KDM5B: variants seen among roughly 807,000 people sequenced by gnomAD.
The protein encoded by KDM5B is lysine demethylase 5B.
In KDM5B, 144 loss-of-function variants were observed where a neutral mutation model predicts 193.4. That is an observed-to-expected ratio of 0.74 (90% CI 0.65 to 0.86). The LOEUF (loss-of-function observed/expected upper bound fraction) is 0.86, where lower values mean the gene tolerates loss of function less well. KDM5B is among the 40% of genes least tolerant of loss of function. The pLI is 0.00. For missense variants in KDM5B, 1,833 were observed against 1,886.9 expected, an observed-to-expected ratio of 0.97 and a Z score of 0.53; for synonymous variants, 668 against 682.6, an observed-to-expected ratio of 0.98 and a Z score of 0.33.
intron 1 of KDM5B, among the ~76,000 whole-genome samples, chr1:202,807,856 G>A (rs1464042965): frequency 6.6e-6 from 1 of 151,842 alleles, no homozygotes; most frequent in African/African-American, 2.4e-5. Context: ...CGAGCCCCGC[G>A]GCGACCCGGC....
chr1:202,738,126 T>C (rs1655165400), intron 20 of KDM5B, among the ~76,000 whole-genome samples: 1 of 152,138 alleles, frequency 6.6e-6, no homozygotes, highest in South Asian at 2.1e-4. Context: ...AGTCCTTAAA[T>C]ATATGATGCA....
In KDM5B at chr1:202,729,707, C is replaced by T; in HGVS notation, c.4497G>A (p.Glu1499=). Residue 1499 remains glutamate (E), a splice_region_variant and synonymous_variant, in exon 26 of 27, where the codon GAG becomes GAA. Transcript: ENST00000367265. The stretch of plus-strand genomic sequence containing the variant: ...CCTCTATGGCCCAAACCTCACTGAC[C>T]TCATCTCCTTCTGGCTGCAGGCAGC... ...AVSCLQPEGD[E]VDWVQCDGSC... 2.5e-6 allele frequency: 4 copies of T among 1,612,084 alleles called. No homozygotes were observed. The highest frequency in any genetic ancestry group is 3.4e-6 in the Non-Finnish European group (4 of 1,178,828).
chr1:202,750,186 C>G (rs1655733712), intron 13 of KDM5B, among the ~76,000 whole-genome samples: 1 of 152,244 alleles, frequency 6.6e-6, no homozygotes, highest in South Asian at 2.1e-4. Flanking sequence ...TTGATTTACA[C>G]TGTGGTACAA....
chr1:202,737,558 T>C (rs1655141046), intron 20 of KDM5B, among the ~76,000 whole-genome samples: 1 of 152,236 alleles, frequency 6.6e-6, no homozygotes, highest in South Asian at 2.1e-4. Flanking sequence ...CCTGTTGTGA[T>C]GCAATATAGA....
chr1:202,735,354 T>C (rs972467034), intron 22 of KDM5B, 75 bp downstream of exon 22: 1 of 1,479,988 alleles, frequency 6.8e-7, no homozygotes. Context: ...CTTCTCCAAA[T>C]TCCTATAAAA....
intron 4 of KDM5B, among the ~76,000 whole-genome samples, chr1:202,772,853 T>C (rs540272381): frequency 2.1e-5 from 3 of 145,684 alleles, no homozygotes; most frequent in South Asian, 2.2e-4. Flanking sequence ...CACGCCACCA[T>C]GCCCAGCAAA....
Position 202,758,517 on chromosome 1 carries a change from A to G in KDM5B, c.1078-7T>C. ...CTTGTGGCTTACTACATTCCTGAAA[A>G]TAAAGAAAATTACGTTCTAGGTGAC... On this transcript the variant is annotated splice_polypyrimidine_tract_variant and splice_region_variant and intron_variant, in intron 8 of 26. Coordinates refer to ENST00000367265, the MANE Select transcript of KDM5B (RefSeq NM_006618.5). The G allele has an allele frequency of 6.2e-7, 1 of 1,600,460 alleles. No homozygotes were observed. The highest frequency in any genetic ancestry group is 8.6e-7 in the Non-Finnish European group (1 of 1,169,588).
At position 202,750,745 on chromosome 1, in the gene KDM5B, C is replaced by CA; in HGVS notation, c.1734dup (p.Val579CysfsTer13). 1 of 1,614,064 alleles carries CA rather than the reference C, an allele frequency of 6.2e-7. No homozygotes were observed. Among genetic ancestry groups the CA allele is most frequent in the Non-Finnish European group, 8.5e-7 (1 of 1,179,952 alleles). ...TGGTAGGCTCTTGGAAATGTAATCA[C>CA]AAACTCCCCAGCACACTGATTAGTT... On this transcript the variant is annotated frameshift_variant, in exon 13 of 27. Transcript: ENST00000367265. LOFTEE classifies it high-confidence loss of function.
At chr1:202,774,392 C>T (rs572327866) in intron 3 of KDM5B, among the ~76,000 whole-genome samples, 4 of 152,198 alleles carry the variant, frequency 2.6e-5, no homozygotes, top group African/African-American at 9.6e-5. Context: ...CTACAGGGCC[C>T]GTGCCACCAT....
intron 1 of KDM5B, among the ~76,000 whole-genome samples, chr1:202,800,192 G>A (rs964943658): frequency 6.6e-5 from 10 of 151,112 alleles, no homozygotes; most frequent in African/African-American, 2.4e-4. Context: ...CTACAGGTGC[G>A]TACCACCACG....
chr1:202,760,992 C>T (rs917640191), intron 7 of KDM5B, among the ~76,000 whole-genome samples: 10 of 150,760 alleles, frequency 6.6e-5, no homozygotes, highest in Non-Finnish European at 1.0e-4. Flanking sequence ...TGCACCACTG[C>T]GCTCTAGCCT....
chr1:202,750,742 T>A lies in KDM5B; in HGVS notation c.1738A>T (p.Ile580Phe), dbSNP rs1655756361. The change falls in exon 13 of 27, where the codon ATT (isoleucine) becomes TTT (phenylalanine). Residue 580 changes from isoleucine (I) to phenylalanine (F), a missense_variant. Around this residue, in one of 3 missense-constraint regions of KDM5B, gnomAD observed 1,379 missense variants for 1,349.6 expected, o/e 1.02. Transcript: ENST00000367265. ...RTNQCAGEFV[I>F]TFPRAYHSGF... Reference sequence around the variant, plus strand: ...CTGTGGTAGGCTCTTGGAAATGTAATCACAAACTCCCCAGCACACTGATTA... The same window carrying A: ...CTGTGGTAGGCTCTTGGAAATGTAAACACAAACTCCCCAGCACACTGATTA... 6.2e-7 allele frequency: 1 copy of A among 1,614,016 alleles called. No individual in the cohort carries two copies. Among genetic ancestry groups the A allele is most frequent in the Non-Finnish European group, 8.5e-7 (1 of 1,179,940 alleles).
chr1:202,790,969 G>C (rs912738474), intron 1 of KDM5B, among the ~76,000 whole-genome samples: 1 of 151,994 alleles, frequency 6.6e-6, no homozygotes, highest in Non-Finnish European at 1.5e-5. Context: ...CAACACAAAT[G>C]AACTAACATA....
chr1:202,775,880 ATATATAT>A (rs1413975032), intron 2 of KDM5B, among the ~76,000 whole-genome samples: 8 of 62,546 alleles, frequency 1.3e-4, no homozygotes, highest in Admixed American at 6.1e-4. Context: ...AAAAAAAAAA[ATATATAT>A]ATATATATAT....
chr1:202,762,664 AG>A (rs765954365), intron 7 of KDM5B, 34 bp downstream of exon 7: 1 of 1,204,182 alleles, frequency 8.3e-7, no homozygotes, highest in Non-Finnish European at 1.2e-6. Context: ...GAAGGAAAAC[AG>A]GAAAGAAAAA....
chr1:202,731,078 A>C lies in KDM5B; in HGVS notation c.4022-15T>G. The stretch of plus-strand genomic sequence containing the variant: ...TGGACTAACACCTGTAAAAGACCAG[A>C]CCAAATCAAAATGATAACAACAAAG... On this transcript the variant is annotated splice_polypyrimidine_tract_variant and intron_variant, in intron 24 of 26. Coordinates refer to ENST00000367265, the MANE Select transcript of KDM5B (RefSeq NM_006618.5). 6.3e-7 allele frequency: 1 copy of C among 1,576,368 alleles called. No individual in the cohort carries two copies. Among genetic ancestry groups the C allele is most frequent in the Middle Eastern group, 1.7e-4 (1 of 5,880 alleles).
At chr1:202,729,359 G>A (rs1654789464) in intron 26 of KDM5B, 186 bp from the exon 27 acceptor site, 1 of 660,404 alleles carries the variant, frequency 1.5e-6, no homozygotes, top group South Asian at 1.9e-5. Flanking sequence ...CCGAGTCAAA[G>A]TCATTCTTCA....
intron 11 of KDM5B, 91 bp downstream of exon 11, chr1:202,755,180 T>C (rs752179424): frequency 6.5e-5 from 61 of 944,208 alleles, no homozygotes; most frequent in Non-Finnish European, 9.8e-5. Context: ...TCAATGCTCT[T>C]CAGACACAGT....
chr1:202,728,791 G>C lies in KDM5B; in HGVS notation c.*245C>G, dbSNP rs1027319761. 7.4e-6 allele frequency: 3 copies of C among 406,824 alleles called. No individual in the cohort carries two copies. The highest frequency in any genetic ancestry group is 8.8e-6 in the Non-Finnish European group (2 of 226,646). The allele number at this position is 406,824 out of a possible 1,614,324, so 25.2% of individuals were successfully genotyped here. ...GGAACCCCTGCAAAAAAAACAGTCA[G>C]CTTTTCAAACCTCAACAACCACAAA... is the stretch of plus-strand genomic sequence containing the variant. On this transcript the variant is annotated 3_prime_UTR_variant, in exon 27 of 27. Coordinates refer to ENST00000367265, the MANE Select transcript of KDM5B (RefSeq NM_006618.5).
Sources: allele counts gnomAD v4.1 joint callset (sites outside exome capture counted in the v4.1 genomes callset), GRCh38; gene constraint gnomAD v4.1.1; regional missense constraint gnomAD v4.1.1; transcripts MANE v1.5; gene names NCBI Gene and HGNC (gene_info 2026-07-23, HGNC 2026-07-21).